The following ASXL2 variants were observed in gnomAD, a reference collection of about 807,000 sequenced individuals.
The protein encoded by ASXL2 is ASXL transcriptional regulator 2, also known as putative Polycomb group protein ASXL2.
Under a neutral mutation model 122.0 loss-of-function variants are expected in ASXL2, and 23 were observed. The observed-to-expected ratio is 0.19, with a 90% CI of 0.14 to 0.27. ASXL2 has a LOEUF of 0.27. ASXL2 is among the 10% of genes least tolerant of loss of function. The pLI is 1.00. For synonymous variants in ASXL2, 650 were observed against 637.0 expected (o/e 1.02, Z -0.31); for missense variants, 1,518 against 1,713.8 (o/e 0.89, Z 2.02).
chr2:25,778,188 C>G (rs551227532), intron 5 of ASXL2, among the ~76,000 whole-genome samples: 8 of 152,078 alleles, frequency 5.3e-5, no homozygotes, highest in Non-Finnish European at 1.0e-4. Flanking sequence ...GGGAAAAGAG[C>G]CTTGGTAGGT....
Position 25,744,494 on chromosome 2 carries a change from GA to G in ASXL2, c.1861-19del, listed in dbSNP as rs751367129. On this transcript the variant is annotated intron_variant, in intron 12 of 12. Transcript: ENST00000435504. The surrounding 1 kb of genome is among the most constrained non-coding windows in gnomAD (Gnocchi z 4.7). ...ACCGGGATCTGAAAGAAGTAGAGGGGAAAAAAACAACAGAGCTTAGTTTTCA... is the reference window on the plus strand; with the variant it reads ...ACCGGGATCTGAAAGAAGTAGAGGGGAAAAAACAACAGAGCTTAGTTTTCA... The G allele has an allele frequency of 6.4e-7, 1 of 1,565,970 alleles. No homozygotes were observed. The highest frequency in any genetic ancestry group is 2.1e-5 in the Admixed American group (1 of 47,840).
Position 25,878,470 on chromosome 2 carries a change from C to T in ASXL2, c.-248G>A, listed in dbSNP as rs1017209000. On this transcript the variant is annotated 5_prime_UTR_variant, in exon 1 of 13. Transcript: ENST00000435504. The stretch of plus-strand genomic sequence containing the variant: ...CCATATTGGGTTCTTACTGTACAGG[C>T]TGCCGCTACGGTCATGTGACCGCTC... The T allele has an allele frequency of 7.6e-6, 4 of 528,146 alleles. No individual in the cohort carries two copies. Among genetic ancestry groups the T allele is most frequent in the South Asian group, 2.3e-5 (1 of 43,250 alleles). 32.7% of individuals were successfully genotyped at this position (528,146 alleles called of 1,614,324 possible).
rs1442860677 is a variant in ASXL2, at chr2:25,878,153, C to CCCT, written c.57+10_57+12dup. The CCCT allele has an allele frequency of 2.2e-5, 36 of 1,613,782 alleles. No individual in the cohort carries two copies. The highest frequency in any genetic ancestry group is 2.9e-5 in the Non-Finnish European group (34 of 1,179,864). ...AATCCTCCCGGCCTTCCCCTTCGCT[C>CCCT]CCTCCCCCTTACCGTCTTGGCGGCC... On this transcript the variant is annotated intron_variant, in intron 1 of 12. Coordinates refer to ENST00000435504, the MANE Select transcript of ASXL2 (RefSeq NM_018263.6).
At chr2:25,771,319 G>C in intron 6 of ASXL2, 121 bp downstream of exon 6, 1 of 782,496 alleles carries the variant, frequency 1.3e-6, no homozygotes, top group East Asian at 2.9e-5. Context: ...GCTACTGCAT[G>C]AAAGTTCCAC....
At chr2:25,809,539 A>G (rs1294046841) in intron 3 of ASXL2, among the ~76,000 whole-genome samples, 1 of 152,214 alleles carries the variant, frequency 6.6e-6, no homozygotes, top group Non-Finnish European at 1.5e-5. Context: ...GGCAATATGC[A>G]TTAAGCTGAA....
Position 25,849,073 on chromosome 2 carries a change from A to ATATATATATG in ASXL2, c.58-3511_58-3510insCATATATATA, listed in dbSNP as rs1178062623. 2.1e-5 allele frequency among the ~76,000 whole-genome samples: 3 copies of ATATATATATG among 140,602 alleles called. 1 individual carries two copies. Among genetic ancestry groups the ATATATATATG allele is most frequent in the African/African-American group, 8.1e-5 (3 of 37,202 alleles). 92.2% of individuals were successfully genotyped at this position (140,602 alleles called of 152,430 possible). ...AAAAAAAAAAAATTTACATATATAT[A>ATATATATATG]TATGGAATATTTATTTTCTTTTAAA... On this transcript the variant is annotated intron_variant, in intron 1 of 12. Transcript: ENST00000435504.
At chr2:25,783,985 C>T (rs976980677) in intron 5 of ASXL2, among the ~76,000 whole-genome samples, 6 of 151,500 alleles carry the variant, frequency 4.0e-5, no homozygotes, top group African/African-American at 1.5e-4. Flanking sequence ...AATCGGAAGG[C>T]GGAGGTTGCA....
Position 25,743,064 on chromosome 2 carries a change from A to C in ASXL2, c.3273T>G (p.Ala1091=). Residue 1091 remains alanine, a synonymous_variant, in exon 13 of 13, where the codon GCT becomes GCG. Transcript: ENST00000435504. ...TGTCTTCCAGCTGGAAACCTGAGTG[A>C]GCGAAGTTGAACTGTGAGGGCGGCA... ...SVVPPSQFNF[A]HSGFQLEDIS... The C allele has an allele frequency of 6.2e-7, 1 of 1,614,010 alleles. No homozygotes were observed. Among genetic ancestry groups the C allele is most frequent in the African/African-American group, 1.3e-5 (1 of 75,026 alleles).
chr2:25,874,742 C>A (rs955261070), intron 1 of ASXL2, among the ~76,000 whole-genome samples: 47 of 152,300 alleles, frequency 3.1e-4, no homozygotes, highest in African/African-American at 1.0e-3. Context: ...CTATTTGTCT[C>A]TCGCTCAAAT....
At chr2:25,807,702 T>A (rs1438327015) in intron 3 of ASXL2, among the ~76,000 whole-genome samples, 2 of 151,894 alleles carry the variant, frequency 1.3e-5, no homozygotes, top group Non-Finnish European at 2.9e-5. Context: ...AGAAAAAAAA[T>A]CACCAAATGA....
intron 9 of ASXL2, among the ~76,000 whole-genome samples, chr2:25,757,245 G>A (rs578011872): frequency 1.3e-5 from 2 of 151,910 alleles, no homozygotes; most frequent in African/African-American, 2.4e-5. Context: ...CCACTTAATC[G>A]AAATTCTATA....
chr2:25,780,194 A>G (rs1006448689), intron 5 of ASXL2: 1 of 151,134 alleles, frequency 6.6e-6, no homozygotes, highest in African/African-American at 2.4e-5. Context: ...AAGATCATAT[A>G]CCACCAACTG....
At chr2:25,750,486 A>G in intron 11 of ASXL2, 73 bp from the exon 12 acceptor site, 1 of 1,328,298 alleles carries the variant, frequency 7.5e-7, no homozygotes, top group South Asian at 1.4e-5. Context: ...TAATAGAGAT[A>G]ATGGAAGATG....
rs774520718 is a variant in ASXL2, at chr2:25,743,055, A to T, written c.3282T>A (p.Gly1094=). 3.7e-6 allele frequency: 6 copies of T among 1,613,970 alleles called. No homozygotes were observed. The highest frequency in any genetic ancestry group is 5.1e-6 in the Non-Finnish European group (6 of 1,179,894). ...TTGTGGAGATGTCTTCCAGCTGGAA[A>T]CCTGAGTGAGCGAAGTTGAACTGTG... is the stretch of plus-strand genomic sequence containing the variant. ...PPSQFNFAHS[G]FQLEDISTSQ... Residue 1094 remains glycine (G), a synonymous_variant, in exon 13 of 13, where the codon GGT becomes GGA. Transcript: ENST00000435504.
chr2:25,780,952 C>T (rs770713705), intron 5 of ASXL2, among the ~76,000 whole-genome samples: 10 of 150,726 alleles, frequency 6.6e-5, no homozygotes, highest in Admixed American at 3.3e-4. Flanking sequence ...GAGGTGGTGG[C>T]GGACGCCTGT....
At chr2:25,862,959 T>C (rs2089857145) in intron 1 of ASXL2, among the ~76,000 whole-genome samples, 1 of 152,092 alleles carries the variant, frequency 6.6e-6, no homozygotes, top group South Asian at 2.1e-4. Context: ...AAGCTCTTAT[T>C]TTGGTAGGAA....
intron 1 of ASXL2, among the ~76,000 whole-genome samples, chr2:25,849,847 GT>G (rs1490032849): frequency 1.3e-5 from 2 of 152,010 alleles, no homozygotes; most frequent in African/African-American, 2.4e-5. Flanking sequence ...CCTAAAATTA[GT>G]TTTAATTTAG....
intron 3 of ASXL2, among the ~76,000 whole-genome samples, chr2:25,829,267 CAGAA>C (rs1371087185): frequency 3.3e-5 from 5 of 151,158 alleles, no homozygotes; most frequent in African/African-American, 1.2e-4. Context: ...GACAGAAACA[CAGAA>C]AGGGAGACAC....
At position 25,835,544 on chromosome 2, in the gene ASXL2, G is replaced by T. The variant is rs1013995671; in HGVS notation, c.141-4C>A. ...ATAAAGTAATACTTCTTACCTTCTGGAGTTGGAATGCAGTGCAGGAAAATG... is the reference window on the plus strand; with the variant it reads ...ATAAAGTAATACTTCTTACCTTCTGTAGTTGGAATGCAGTGCAGGAAAATG... On this transcript the variant is annotated splice_region_variant and splice_polypyrimidine_tract_variant and intron_variant, in intron 2 of 12. Coordinates refer to ENST00000435504, the MANE Select transcript of ASXL2 (RefSeq NM_018263.6). 6.8e-6 allele frequency: 2 copies of T among 295,596 alleles called. No individual in the cohort carries two copies. Among genetic ancestry groups the T allele is most frequent in the South Asian group, 2.8e-5 (1 of 35,808 alleles). 18.3% of individuals were successfully genotyped at this position (295,596 alleles called of 1,614,324 possible).
Sources: gnomAD v4.1 joint callset for allele counts (sites outside exome capture counted in the v4.1 genomes callset) on GRCh38, gnomAD v4.1.1 for gene constraint, Gnocchi (gnomAD v3.1) non-coding constraint, MANE v1.5 for transcripts, NCBI Gene and HGNC (gene_info 2026-07-23, HGNC 2026-07-21) for gene names.